RMST: variants seen among roughly 807,000 people sequenced by gnomAD.
RMST encodes long intergenic non-protein coding RNA 54.
At chr12:97,553,795 C>CCT (rs1356669808) in intron 11 of RMST, among the ~76,000 whole-genome samples, 1 of 151,938 alleles carries the variant, frequency 6.6e-6, no homozygotes, top group Non-Finnish European at 1.5e-5. Context: ...CTCTTCTAAG[C>CCT]CTCTCTAAGC....
chr12:97,544,656 T>C (rs1350455131), intron 11 of RMST, among the ~76,000 whole-genome samples: 20 of 152,090 alleles, frequency 1.3e-4, no homozygotes, highest in Admixed American at 1.3e-3. Context: ...ACCTTTCCTA[T>C]TGTCCTGCCA....
chr12:97,532,482 C>A (rs930248197), intron 11 of RMST, among the ~76,000 whole-genome samples: 2 of 151,758 alleles, frequency 1.3e-5, no homozygotes, highest in Admixed American at 1.3e-4. Flanking sequence ...CAATTACAGA[C>A]AATAGGGAGG....
intron 10 of RMST, among the ~76,000 whole-genome samples, chr12:97,524,424 A>G (rs575553005): frequency 2.8e-4 from 43 of 152,314 alleles, no homozygotes; most frequent in African/African-American, 9.1e-4. Flanking sequence ...AAGAAAAATT[A>G]ACCAGTAGAG....
At chr12:97,491,160 G>C (rs1228648710) in intron 5 of RMST, among the ~76,000 whole-genome samples, 1 of 152,146 alleles carries the variant, frequency 6.6e-6, no homozygotes, top group Non-Finnish European at 1.5e-5. Context: ...GCATTCACAG[G>C]GGTAAGACAG....
intron 11 of RMST, among the ~76,000 whole-genome samples, chr12:97,535,507 G>A (rs1592759632): frequency 6.6e-6 from 1 of 151,526 alleles, no homozygotes; most frequent in Non-Finnish European, 1.5e-5. Flanking sequence ...CCAATCCAGT[G>A]AGGTGAGCCT....
At chr12:97,547,587 T>G (rs1276865960) in intron 11 of RMST, among the ~76,000 whole-genome samples, 1 of 152,132 alleles carries the variant, frequency 6.6e-6, no homozygotes, top group Non-Finnish European at 1.5e-5. Context: ...ATAGCCACTA[T>G]AACAAGTTGA....
At chr12:97,548,544 T>G (rs1289985414) in intron 11 of RMST, among the ~76,000 whole-genome samples, 1 of 152,076 alleles carries the variant, frequency 6.6e-6, no homozygotes, top group African/African-American at 2.4e-5. Flanking sequence ...ATCAATGTCT[T>G]ATAGTTTTCA....
At chr12:97,517,874 T>A (rs1391406018) in intron 10 of RMST, among the ~76,000 whole-genome samples, 1 of 152,110 alleles carries the variant, frequency 6.6e-6, no homozygotes, top group African/African-American at 2.4e-5. Context: ...AAAATTTTTC[T>A]TACGTATTAC....
At chr12:97,541,693 T>C (rs914941578) in intron 11 of RMST, among the ~76,000 whole-genome samples, 2 of 148,384 alleles carry the variant, frequency 1.3e-5, no homozygotes, top group African/African-American at 5.0e-5. Context: ...AGAGATTTCT[T>C]AAGAAATTAG....
intron 11 of RMST, among the ~76,000 whole-genome samples, chr12:97,538,670 T>C (rs1355826377): frequency 6.6e-6 from 1 of 151,434 alleles, no homozygotes; most frequent in Non-Finnish European, 1.5e-5. Flanking sequence ...ATGGGGGTGA[T>C]TTTCATGATG....
At chr12:97,463,021 C>CTCTCTCTCTCTCTCTCTA (rs553886487) in intron 3 of RMST, 1 of 71,090 alleles carries the variant, frequency 1.4e-5, no homozygotes, top group African/African-American at 4.7e-5. Context: ...TCAGCAGTCT[C>CTCTCTCTCTCTCTCTCTA]TCTCTCTCTC....
At chr12:97,472,343 A>T (rs761289606) in intron 5 of RMST, among the ~76,000 whole-genome samples, 2 of 152,144 alleles carry the variant, frequency 1.3e-5, no homozygotes, top group Admixed American at 1.3e-4. Context: ...CTTATATTCA[A>T]TCCAGGGAAA....
At chr12:97,520,177 A>G (rs1880366197) in intron 10 of RMST, among the ~76,000 whole-genome samples, 1 of 152,210 alleles carries the variant, frequency 6.6e-6, no homozygotes, top group African/African-American at 2.4e-5. Context: ...CTTAAAGCTA[A>G]CAATTTAGTA....
chr12:97,511,881 T>C (rs1443785202), intron 10 of RMST, among the ~76,000 whole-genome samples: 1 of 152,230 alleles, frequency 6.6e-6, no homozygotes, highest in African/African-American at 2.4e-5. Flanking sequence ...TGTGTATACC[T>C]GTTGGTATAG....
At chr12:97,562,803 A>G (rs1035315877) in intron 13 of RMST, among the ~76,000 whole-genome samples, 2 of 152,226 alleles carry the variant, frequency 1.3e-5, no homozygotes, top group Admixed American at 6.5e-5. Flanking sequence ...TGATTCACAT[A>G]AACCAAGATG....
intron 11 of RMST, among the ~76,000 whole-genome samples, chr12:97,534,857 CTG>C (rs897340870): frequency 2.0e-5 from 3 of 151,700 alleles, no homozygotes; most frequent in African/African-American, 2.4e-5. Flanking sequence ...AAAAAGCAGA[CTG>C]TTTTAAAAAG....
chr12:97,516,941 C>A (rs927707204), intron 10 of RMST, among the ~76,000 whole-genome samples: 4 of 151,802 alleles, frequency 2.6e-5, no homozygotes, highest in Admixed American at 1.3e-4. Context: ...GAAGTAAATA[C>A]CTAATAGTAT....
chr12:97,503,585 A>T (rs529655442), intron 10 of RMST, among the ~76,000 whole-genome samples: 1 of 152,292 alleles, frequency 6.6e-6, no homozygotes, highest in East Asian at 1.9e-4. Flanking sequence ...ATGTTTAACA[A>T]TGGGAAAAAT....
intron 11 of RMST, among the ~76,000 whole-genome samples, chr12:97,552,970 G>A (rs1160275100): frequency 6.6e-6 from 1 of 152,164 alleles, no homozygotes; most frequent in African/African-American, 2.4e-5. Context: ...CAGGTACCTG[G>A]ACAACATGTG....
Sources: gnomAD v4.1 joint callset for allele counts (sites outside exome capture counted in the v4.1 genomes callset) on GRCh38, gnomAD v4.1.1 for gene constraint, MANE v1.5 for transcripts, NCBI Gene and HGNC (gene_info 2026-07-23, HGNC 2026-07-21) for gene names.